Variants in PHF24 observed in about 807,000 individuals in gnomAD.
PHF24 encodes Galpha inhibitory interacting protein.
PHF24 carries 25 observed loss-of-function variants against 42.6 expected under a neutral mutation model. The ratio of observed to expected loss-of-function variants is 0.59; its 90% confidence interval spans 0.43 to 0.82. The LOEUF is 0.82. Among genes scored for constraint, PHF24 ranks in the 40% least tolerant of loss-of-function variants. The probability of loss-of-function intolerance (pLI) is 0.00; values close to 1 mark genes in which losing one functional copy is unlikely to be tolerated. For missense variants in PHF24, 470 were observed against 538.1 expected (o/e 0.87, Z 1.25); for synonymous variants, 185 against 204.8 (o/e 0.90, Z 0.83).
At chr9:34,890,563 T>C in the PHF24 span, among the ~76,000 whole-genome samples, 9 of 152,226 alleles carry the variant, frequency 5.9e-5, no homozygotes, top group South Asian at 2.1e-4. Context: ...AACGGCAAGC[T>C]GTTCTTTCAG....
the PHF24 span, among the ~76,000 whole-genome samples, chr9:34,885,355 G>A: frequency 6.6e-6 from 1 of 152,174 alleles, no homozygotes; most frequent in East Asian, 1.9e-4. Context: ...GGTCCTGTCC[G>A]AGGAAGAAAG....
the PHF24 span, among the ~76,000 whole-genome samples, chr9:34,915,936 C>T: frequency 6.6e-6 from 1 of 151,540 alleles, no homozygotes; most frequent in Admixed American, 6.6e-5. Context: ...CCACCACCAA[C>T]CCTGGTGCTG....
At chr9:34,978,061 C>T in exon 8 of PHF24, 1 of 1,614,242 alleles carries the variant, frequency 6.2e-7, no homozygotes, top group Non-Finnish European at 8.5e-7. Context: ...CCTCTACATC[C>T]TGGCTGCTCG....
At chr9:34,703,870 G>A in the PHF24 span, among the ~76,000 whole-genome samples, 1 of 151,750 alleles carries the variant, frequency 6.6e-6, no homozygotes, top group Non-Finnish European at 1.5e-5. Context: ...CTGGCCGACT[G>A]CTTACTTTGG....
the PHF24 span, among the ~76,000 whole-genome samples, chr9:34,707,444 C>T: frequency 6.6e-6 from 1 of 152,174 alleles, no homozygotes; most frequent in Non-Finnish European, 1.5e-5. Context: ...CACTCTAGTG[C>T]AGTAGCTTGG....
the PHF24 span, among the ~76,000 whole-genome samples, chr9:34,807,632 T>C: frequency 6.6e-6 from 1 of 152,198 alleles, no homozygotes; most frequent in Non-Finnish European, 1.5e-5. Context: ...GAGAGAGTCT[T>C]TAGAAGTCAG....
At chr9:34,863,248 C>A in the PHF24 span, among the ~76,000 whole-genome samples, 3 of 152,226 alleles carry the variant, frequency 2.0e-5, no homozygotes, top group South Asian at 6.2e-4. Context: ...TTAGCACCTG[C>A]TGATTGTAGA....
the PHF24 span, among the ~76,000 whole-genome samples, chr9:34,696,941 G>A: frequency 6.6e-6 from 1 of 152,220 alleles, no homozygotes; most frequent in African/African-American, 2.4e-5. Flanking sequence ...GGACAGGAAA[G>A]TACAGGATAT....
At chr9:34,780,470 A>G in the PHF24 span, among the ~76,000 whole-genome samples, 1 of 151,146 alleles carries the variant, frequency 6.6e-6, no homozygotes, top group Non-Finnish European at 1.5e-5. Context: ...TATTTTGTAG[A>G]GAAGGGGTTT....
At chr9:34,937,622 G>A in the PHF24 span, among the ~76,000 whole-genome samples, 1 of 137,782 alleles carries the variant, frequency 7.3e-6, no homozygotes, top group Non-Finnish European at 1.5e-5. Flanking sequence ...CCCCCTCTGC[G>A]AGAAACACCC....
chr9:34,833,940 G>T, the PHF24 span: 1 of 1,540,472 alleles, frequency 6.5e-7, no homozygotes, highest in Admixed American at 2.0e-5. Context: ...AGAGCAGGCA[G>T]CCCCGACAGG....
chr9:34,976,706 A>G, exon 5 of PHF24: 1 of 1,614,016 alleles, frequency 6.2e-7, no homozygotes, highest in Middle Eastern at 1.7e-4. Flanking sequence ...TTGTCCCATG[A>G]GTCCCTCCTG....
chr9:34,767,431 G>A, the PHF24 span, among the ~76,000 whole-genome samples: 6 of 152,230 alleles, frequency 3.9e-5, no homozygotes, highest in South Asian at 4.1e-4. Flanking sequence ...CCCCAGCCTC[G>A]CTGCTGCCTT....
At chr9:34,939,935 G>C in the PHF24 span, among the ~76,000 whole-genome samples, 2 of 152,096 alleles carry the variant, frequency 1.3e-5, no homozygotes, top group African/African-American at 4.8e-5. Flanking sequence ...GACAGAGCAG[G>C]AGCACTGTCA....
chr9:34,743,069 C>T, the PHF24 span, among the ~76,000 whole-genome samples: 20 of 152,148 alleles, frequency 1.3e-4, no homozygotes, highest in African/African-American at 4.8e-4. Context: ...AAAAGCAGCC[C>T]GTGATAAATA....
chr9:34,695,542 T>G, the PHF24 span, among the ~76,000 whole-genome samples: 1 of 152,236 alleles, frequency 6.6e-6, no homozygotes, highest in Admixed American at 6.5e-5. Flanking sequence ...GTCAGAAGCA[T>G]AGGCCACACT....
chr9:34,766,650 C>G, the PHF24 span, among the ~76,000 whole-genome samples: 1 of 152,174 alleles, frequency 6.6e-6, no homozygotes, highest in African/African-American at 2.4e-5. Context: ...TTTGAATTTC[C>G]TCCTGTAGCT....
the PHF24 span, among the ~76,000 whole-genome samples, chr9:34,923,589 C>G: frequency 6.6e-6 from 1 of 152,202 alleles, no homozygotes; most frequent in East Asian, 1.9e-4. Flanking sequence ...TCTGCTTCTT[C>G]TAGGTTTTTC....
chr9:34,677,427 C>A, the PHF24 span, among the ~76,000 whole-genome samples: 6 of 103,542 alleles, frequency 5.8e-5, no homozygotes, highest in East Asian at 7.8e-4. Context: ...GATGGAGTCT[C>A]GCTCTGTCGC....
Sources: allele counts gnomAD v4.1 joint callset (sites outside exome capture counted in the v4.1 genomes callset), GRCh38; gene constraint gnomAD v4.1.1; transcripts MANE v1.5; gene names NCBI Gene and HGNC (gene_info 2026-07-23, HGNC 2026-07-21).